ST6GAL1: variants seen among roughly 807,000 people sequenced by gnomAD.
ST6GAL1 encodes the protein beta-galactoside alpha-2,6-sialyltransferase 1.
In ST6GAL1, 20 loss-of-function variants were observed where a neutral mutation model predicts 38.0. That is an observed-to-expected ratio of 0.53 (90% CI 0.37 to 0.77). The LOEUF is 0.77. Among genes scored for constraint, ST6GAL1 ranks in the 30% least tolerant of loss-of-function variants. The probability of loss-of-function intolerance (pLI) is 0.00; values close to 1 mark genes in which losing one functional copy is unlikely to be tolerated. For missense variants in ST6GAL1, 432 were observed against 496.4 expected, an observed-to-expected ratio of 0.87 and a Z score of 1.23; for synonymous variants, 196 against 188.2, an observed-to-expected ratio of 1.04 and a Z score of -0.34.
At chr3:186,992,388 G>T (rs963180463) in intron 2 of ST6GAL1, among the ~76,000 whole-genome samples, 1 of 152,130 alleles carries the variant, frequency 6.6e-6, no homozygotes, top group African/African-American at 2.4e-5. Context: ...ATGTGGAACT[G>T]CAAGTCAATT....
chr3:187,017,224 C>T (rs1031907964), intron 2 of ST6GAL1, among the ~76,000 whole-genome samples: 1 of 152,130 alleles, frequency 6.6e-6, no homozygotes, highest in Non-Finnish European at 1.5e-5. Flanking sequence ...ACTGGTGTTG[C>T]CCTTCCCTTC....
intron 2 of ST6GAL1, among the ~76,000 whole-genome samples, chr3:186,994,049 G>A (rs567549267): frequency 1.4e-3 from 220 of 152,226 alleles, no homozygotes; most frequent in African/African-American, 5.2e-3. Flanking sequence ...CTATGTGTTG[G>A]GATGAGATTG....
At chr3:186,946,960 G>T (rs926013193) in intron 1 of ST6GAL1, among the ~76,000 whole-genome samples, 1 of 152,134 alleles carries the variant, frequency 6.6e-6, no homozygotes, top group Non-Finnish European at 1.5e-5. Flanking sequence ...CAATGGAAAA[G>T]GTTTCACCCA....
chr3:186,991,269 A>T (rs1255721599), intron 2 of ST6GAL1, among the ~76,000 whole-genome samples: 1 of 152,036 alleles, frequency 6.6e-6, no homozygotes, highest in Non-Finnish European at 1.5e-5. Context: ...ATTTCTTAGG[A>T]CCTAACCTGG....
chr3:186,950,885 T>TA (rs1714552878), intron 1 of ST6GAL1, among the ~76,000 whole-genome samples: 1 of 152,234 alleles, frequency 6.6e-6, no homozygotes, highest in African/African-American at 2.4e-5. Context: ...TAGGTGGTGA[T>TA]AAAAACAAAC....
chr3:186,939,090 T>A (rs1360503328), intron 1 of ST6GAL1, among the ~76,000 whole-genome samples: 1 of 151,506 alleles, frequency 6.6e-6, no homozygotes, highest in African/African-American at 2.4e-5. Context: ...TTTTTCTTTT[T>A]TGAGACAGGG....
chr3:187,038,245 G>T (rs1579346704), intron 2 of ST6GAL1: 2 of 131,112 alleles, frequency 1.5e-5, no homozygotes, highest in African/African-American at 5.7e-5. Context: ...TCTCTCTGTT[G>T]CCCAGGCTGG....
At chr3:186,975,332 T>G (rs775281387) in intron 2 of ST6GAL1, among the ~76,000 whole-genome samples, 22 of 152,176 alleles carry the variant, frequency 1.4e-4, no homozygotes, top group Admixed American at 2.6e-4. Flanking sequence ...AGAGCTGGAC[T>G]TCAGGAGATT....
At chr3:186,940,783 G>GT (rs35452443) in intron 1 of ST6GAL1, among the ~76,000 whole-genome samples, 20,060 of 129,138 alleles carry the variant, frequency 0.16, 1,591 homozygotes, top group Non-Finnish European at 0.18. Context: ...CCATGTCAGT[G>GT]TTTTTTTTTT....
chr3:187,014,379 T>C (rs1717055618), intron 2 of ST6GAL1, among the ~76,000 whole-genome samples: 1 of 152,240 alleles, frequency 6.6e-6, no homozygotes, highest in Non-Finnish European at 1.5e-5. Flanking sequence ...TTTAGTTTTT[T>C]CTGGGCCCAC....
chr3:187,059,607 G>A (rs1332771277), intron 5 of ST6GAL1, among the ~76,000 whole-genome samples: 1 of 152,198 alleles, frequency 6.6e-6, no homozygotes, highest in Non-Finnish European at 1.5e-5. Flanking sequence ...CTTACTAGCT[G>A]AAGGATCATC....
At chr3:187,047,369 C>T (rs1196282736) in intron 4 of ST6GAL1, among the ~76,000 whole-genome samples, 5 of 151,708 alleles carry the variant, frequency 3.3e-5, no homozygotes, top group Admixed American at 6.6e-5. Flanking sequence ...AATATAAAAG[C>T]GTTTGGTGAT....
At chr3:187,039,662 A>G (rs1229756540) in intron 3 of ST6GAL1, among the ~76,000 whole-genome samples, 1 of 152,254 alleles carries the variant, frequency 6.6e-6, no homozygotes, top group Non-Finnish European at 1.5e-5. Context: ...TTTCCAAAAC[A>G]TTTGTAGAGA....
intron 5 of ST6GAL1, among the ~76,000 whole-genome samples, chr3:187,062,441 T>C (rs1335701492): frequency 1.3e-5 from 2 of 152,090 alleles, no homozygotes; most frequent in Non-Finnish European, 2.9e-5. Flanking sequence ...CAAGTGTCTG[T>C]TGATGTTGAA....
rs1185927505 is a variant in ST6GAL1 at position 187,076,214 on chromosome 3, T to C, written c.*411T>C. On this transcript the variant is annotated 3_prime_UTR_variant, in exon 8 of 8. Transcript: ENST00000169298. Reference sequence around the variant, plus strand: ...TGCATCTAAATATTGATTTCACGTTTTAAAGAAATTCTCTTAAATTACAAT... The same window carrying C: ...TGCATCTAAATATTGATTTCACGTTCTAAAGAAATTCTCTTAAATTACAAT... 1 of 178,614 alleles carries C rather than the reference T, an allele frequency of 5.6e-6. No homozygotes were observed. Among genetic ancestry groups the C allele is most frequent in the Non-Finnish European group, 1.2e-5 (1 of 84,276 alleles). The allele number at this position is 178,614 out of a possible 1,614,324, so 11.1% of individuals were successfully genotyped here.
chr3:186,995,512 AAAATAATAAT>A (rs1716366320), intron 2 of ST6GAL1, among the ~76,000 whole-genome samples: 1 of 66,208 alleles, frequency 1.5e-5, no homozygotes, highest in Non-Finnish European at 3.1e-5. Context: ...TCTCAAAAAA[AAAATAATAAT>A]AAAATAAAAA....
chr3:186,932,920 C>T (rs1311499646), intron 1 of ST6GAL1, among the ~76,000 whole-genome samples: 1 of 152,126 alleles, frequency 6.6e-6, no homozygotes, highest in African/African-American at 2.4e-5. Context: ...GTTTCTTTTC[C>T]TTAGAGTTTC....
At chr3:186,934,018 G>A (rs1713851824) in intron 1 of ST6GAL1, among the ~76,000 whole-genome samples, 1 of 152,206 alleles carries the variant, frequency 6.6e-6, no homozygotes. Flanking sequence ...CCCATTTAGG[G>A]GCTGCTTTGT....
intron 1 of ST6GAL1, among the ~76,000 whole-genome samples, chr3:186,936,295 T>C (rs1253961302): frequency 1.3e-5 from 2 of 152,230 alleles, no homozygotes; most frequent in Non-Finnish European, 2.9e-5. Flanking sequence ...ATTAAAAATA[T>C]ACAGGAATAA....
Sources: allele counts gnomAD v4.1 joint callset (sites outside exome capture counted in the v4.1 genomes callset), GRCh38; gene constraint gnomAD v4.1.1; transcripts MANE v1.5; gene names NCBI Gene and HGNC (gene_info 2026-07-23, HGNC 2026-07-21).